The following CEP63 variants were observed in gnomAD, a reference collection of about 807,000 sequenced individuals.
CEP63 encodes the protein centrosomal protein 63.
In CEP63, 84 loss-of-function variants were observed where a neutral mutation model predicts 89.1. The observed-to-expected ratio is 0.94, with a 90% CI of 0.79 to 1.13. The LOEUF (loss-of-function observed/expected upper bound fraction) is 1.13, where lower values mean the gene tolerates loss of function less well. CEP63 is among the 50% of genes most tolerant of loss of function. The pLI is 0.00. For synonymous variants in CEP63, 267 were observed against 272.5 expected (o/e 0.98, Z 0.20); for missense variants, 838 against 813.3 (o/e 1.03, Z -0.37).
rs149503464 is a variant in CEP63, at chr3:134,550,257, T to G, written c.1377T>G (p.His459Gln). The change falls in exon 11 of 15, where the codon CAT becomes CAG. Residue 459 changes from histidine (H) to glutamine (Q), a missense_variant. His to Gln is a conservative substitution (Grantham distance 24, BLOSUM62 0). Transcript: ENST00000675561. ...AGGCAGAAGACAAAGCAGTAGAGCATAAGGTGAAGCCTGAACAAAACCTTT... is the reference window on the plus strand; with the variant it reads ...AGGCAGAAGACAAAGCAGTAGAGCAGAAGGTGAAGCCTGAACAAAACCTTT... The part of the protein sequence containing the change: ...MQKAEDKAVE[H>Q]KEILDQLESL... 4.4e-5 allele frequency: 71 copies of G among 1,613,984 alleles called. No individual in the cohort carries two copies. In the East Asian group the frequency reaches 9.4e-4, roughly 21 times the overall value.
At chr3:134,666,449 C>G in the CEP63 span, among the ~76,000 whole-genome samples, 1 of 152,178 alleles carries the variant, frequency 6.6e-6, no homozygotes, top group Non-Finnish European at 1.5e-5. Flanking sequence ...CAGGATATGC[C>G]AAGCATTGGT....
intron 5 of CEP63, chr3:134,536,935 G>A (rs1577163534): frequency 5.7e-6 from 3 of 530,444 alleles, no homozygotes. Context: ...CACCATCAGG[G>A]TGTTAAATTT....
chr3:134,572,041 A>G (rs1958029817), intron 11 of CEP63, among the ~76,000 whole-genome samples: 1 of 152,198 alleles, frequency 6.6e-6, no homozygotes, highest in Non-Finnish European at 1.5e-5. Context: ...TAAGGATGTC[A>G]GTTTTTCCCA....
At chr3:134,770,389 A>G in the CEP63 span, among the ~76,000 whole-genome samples, 1 of 152,226 alleles carries the variant, frequency 6.6e-6, no homozygotes, top group Non-Finnish European at 1.5e-5. Flanking sequence ...AGAAGTCTTG[A>G]GGTTGTTAAG....
At chr3:134,584,956 G>GTTTTTTTTTTTTGTT (rs1553799205) in intron 10 of CEP63, among the ~76,000 whole-genome samples, 29 of 36,030 alleles carry the variant, frequency 8.0e-4, no homozygotes, top group African/African-American at 2.5e-3. Context: ...ATTTTCTAGG[G>GTTTTTTTTTTTTGTT]TTTTTTTTTT....
At chr3:134,493,270 A>G (rs1470661826) in intron 1 of CEP63, among the ~76,000 whole-genome samples, 1 of 152,016 alleles carries the variant, frequency 6.6e-6, no homozygotes, top group African/African-American at 2.4e-5. Context: ...AATATTGTTC[A>G]TGCCCCTCAT....
At chr3:134,781,325 A>G in the CEP63 span, among the ~76,000 whole-genome samples, 1 of 152,236 alleles carries the variant, frequency 6.6e-6, no homozygotes, top group Non-Finnish European at 1.5e-5. Flanking sequence ...ACCCATAAAC[A>G]CAGTATATCT....
intron 4 of CEP63, among the ~76,000 whole-genome samples, chr3:134,532,288 G>T (rs934786010): frequency 6.6e-6 from 1 of 152,136 alleles, no homozygotes; most frequent in Non-Finnish European, 1.5e-5. Context: ...AGGATCCAAA[G>T]ATTTAAGAAA....
the CEP63 span, among the ~76,000 whole-genome samples, chr3:134,655,271 C>T: frequency 6.6e-6 from 1 of 152,194 alleles, no homozygotes; most frequent in South Asian, 2.1e-4. Flanking sequence ...CTCTGACCTC[C>T]GTGTTGCCTT....
At chr3:134,763,846 T>G in the CEP63 span, among the ~76,000 whole-genome samples, 1 of 152,230 alleles carries the variant, frequency 6.6e-6, no homozygotes, top group South Asian at 2.1e-4. Context: ...ATGTGGCAAT[T>G]CTGCCAGAAT....
At position 134,564,848 on chromosome 3, in the gene CEP63, C is replaced by G. The variant is rs553210516; in HGVS notation, c.*3313C>G. The G allele has an allele frequency of 7.1e-6, 7 of 985,044 alleles. No individual in the cohort carries two copies. Among genetic ancestry groups the G allele is most frequent in the Non-Finnish European group, 4.8e-6 (4 of 829,804 alleles). The allele number at this position is 985,044 out of a possible 1,614,324, so 61.0% of individuals were successfully genotyped here. A position where few individuals can be genotyped will look rare whatever the true frequency, so the allele number is the denominator to read the frequency against. ...GAACAATGACAGACTCTGTAGTCAC[C>G]GGAAATACTTAAGGAATCATGAGGT... On this transcript the variant is annotated 3_prime_UTR_variant, in exon 15 of 15. Transcript: ENST00000675561.
intron 10 of CEP63, among the ~76,000 whole-genome samples, chr3:134,582,552 C>T (rs1051419215): frequency 6.6e-6 from 1 of 152,132 alleles, no homozygotes; most frequent in Non-Finnish European, 1.5e-5. Flanking sequence ...GTGTACATGT[C>T]CCACATTTTC....
the CEP63 span, among the ~76,000 whole-genome samples, chr3:134,713,989 C>T: frequency 1.2e-4 from 18 of 152,294 alleles, no homozygotes; most frequent in African/African-American, 4.3e-4. Context: ...CCACAGCAGC[C>T]TCAAGCTGTC....
chr3:134,502,337 A>G (rs1178489544), intron 2 of CEP63, among the ~76,000 whole-genome samples: 2 of 151,976 alleles, frequency 1.3e-5, no homozygotes, highest in African/African-American at 4.8e-5. Context: ...TGTTGGTTTC[A>G]TAGAATGAGT....
downstream of CEP63, among the ~76,000 whole-genome samples, chr3:134,577,244 A>G (rs953413292): frequency 4.2e-5 from 4 of 94,402 alleles, no homozygotes; most frequent in Admixed American, 2.6e-4. Flanking sequence ...AAGCCAAAAA[A>G]CTTCTAGGAA....
chr3:134,762,149 G>A, the CEP63 span, among the ~76,000 whole-genome samples: 2 of 152,084 alleles, frequency 1.3e-5, no homozygotes, highest in Admixed American at 6.6e-5. Context: ...GATTAATATG[G>A]CCATGAAGAT....
intron 1 of CEP63, 47 bp downstream of exon 1, chr3:134,486,249 C>A (rs1286842419): frequency 1.0e-6 from 1 of 985,304 alleles, no homozygotes; most frequent in African/African-American, 1.7e-5. Flanking sequence ...ACCCTGTAAC[C>A]GCCGGTGCGC....
intron 3 of CEP63, among the ~76,000 whole-genome samples, chr3:134,527,769 T>C (rs1017007581): frequency 6.6e-6 from 1 of 152,170 alleles, no homozygotes; most frequent in African/African-American, 2.4e-5. Context: ...AAGGCTGCCC[T>C]GTAAGCATGT....
chr3:134,590,396 G>T (rs1411871861), downstream of CEP63, among the ~76,000 whole-genome samples: 1 of 152,060 alleles, frequency 6.6e-6, no homozygotes, highest in Admixed American at 6.5e-5. Flanking sequence ...CTACTCATTA[G>T]AAATAAGCAA....
Sources: allele counts gnomAD v4.1 joint callset (sites outside exome capture counted in the v4.1 genomes callset), GRCh38; gene constraint gnomAD v4.1.1; transcripts MANE v1.5; gene names NCBI Gene and HGNC (gene_info 2026-07-23, HGNC 2026-07-21).